The following PRKG1 variants were observed in gnomAD, a reference collection of about 807,000 sequenced individuals.
PRKG1 encodes the protein cGMP-dependent protein kinase 1.
In PRKG1, 35 loss-of-function variants were observed where a neutral mutation model predicts 88.1. The observed-to-expected ratio is 0.40, with a 90% CI of 0.30 to 0.53. The LOEUF is 0.53. Among genes scored for constraint, PRKG1 ranks in the 20% least tolerant of loss-of-function variants. PRKG1 has a pLI of 0.59. For synonymous variants in PRKG1, 303 were observed against 292.5 expected, an observed-to-expected ratio of 1.04 and a Z score of -0.37; for missense variants, 540 against 839.8, an observed-to-expected ratio of 0.64 and a Z score of 4.41.
chr10:51,113,728 T>TAAAAAAAAAAA (rs59764267), intron 1 of PRKG1, among the ~76,000 whole-genome samples: 1 of 92,440 alleles, frequency 1.1e-5, no homozygotes, highest in Non-Finnish European at 2.3e-5. Flanking sequence ...GCATTCTATT[T>TAAAAAAAAAAA]AAAAAAAAAA....
chr10:51,025,616 A>G (rs1589112668), intron 1 of PRKG1, among the ~76,000 whole-genome samples: 1 of 152,214 alleles, frequency 6.6e-6, no homozygotes, highest in South Asian at 2.1e-4. Context: ...GTCTTCTTGG[A>G]TTGGCTGCAA....
intron 3 of PRKG1, among the ~76,000 whole-genome samples, chr10:51,743,790 A>G (rs1483137468): frequency 1.4e-5 from 2 of 140,870 alleles, no homozygotes; most frequent in African/African-American, 5.3e-5. Context: ...GGTATTACAC[A>G]TTCAAATCTT....
In PRKG1 at chr10:51,560,466, A is replaced by T. The variant is rs1311632428; in HGVS notation, c.592+92630A>T. On this transcript the variant is annotated intron_variant, in intron 3 of 17. Transcript: ENST00000373980. ...ACCTTCCCTCTTGCAACTTAGTAGG[A>T]TTAAGTTTAATAGGATTAAATTTAG... 2.0e-5 allele frequency among the ~76,000 whole-genome samples: 3 copies of T among 152,128 alleles called. No homozygotes were observed. In the South Asian group the frequency reaches 6.2e-4, roughly 31 times the overall value.
chr10:52,160,745 C>A (rs965086372), intron 8 of PRKG1, among the ~76,000 whole-genome samples: 1 of 152,010 alleles, frequency 6.6e-6, no homozygotes, highest in Non-Finnish European at 1.5e-5. Context: ...TTAATACTCA[C>A]AACACACAAA....
chr10:51,374,093 A>AAAAAATATATATATATATATATATATAT lies in PRKG1; in HGVS notation c.479-93629_479-93628insAAAATATATATATATATATATATATATA. Among the ~76,000 whole-genome samples the AAAAAATATATATATATATATATATATAT allele has an allele frequency of 5.6e-4, 56 of 100,102 alleles. 1 individual carries two copies. Among genetic ancestry groups the AAAAAATATATATATATATATATATATAT allele is most frequent in the African/African-American group, 1.3e-3 (39 of 29,598 alleles). 65.7% of individuals were successfully genotyped at this position (100,102 alleles called of 152,430 possible). ...GCTGGCAGAGGTTGCAAAAAAAAAA[A>AAAAAATATATATATATATATATATATAT]ATATATATATATATATATATGTACT... is the stretch of plus-strand genomic sequence containing the variant. On this transcript the variant is annotated intron_variant, in intron 2 of 17. Coordinates refer to ENST00000373980, the MANE Select transcript of PRKG1 (RefSeq NM_006258.4).
chr10:51,895,446 T>G (rs559807796), intron 4 of PRKG1, among the ~76,000 whole-genome samples: 3 of 152,112 alleles, frequency 2.0e-5, no homozygotes, highest in Non-Finnish European at 4.4e-5. Context: ...CATGGGCCTG[T>G]TTCCCAGGCT....
intron 1 of PRKG1, among the ~76,000 whole-genome samples, chr10:51,041,291 A>C (rs945152377): frequency 9.2e-5 from 14 of 152,258 alleles, no homozygotes; most frequent in Admixed American, 7.8e-4. Context: ...CGGGGACCCC[A>C]GGAGCCTGCT....
At chr10:51,828,918 C>T (rs1339412093) in intron 4 of PRKG1, among the ~76,000 whole-genome samples, 1 of 152,210 alleles carries the variant, frequency 6.6e-6, no homozygotes, top group Non-Finnish European at 1.5e-5. Context: ...TGACAAATTA[C>T]ACCAAAACGT....
chr10:51,297,943 T>A (rs558848392), intron 2 of PRKG1, among the ~76,000 whole-genome samples: 2 of 152,234 alleles, frequency 1.3e-5, no homozygotes, highest in Admixed American at 1.3e-4. Flanking sequence ...TAGGTGTCCT[T>A]ACCTACACTT....
chr10:51,441,702 A>C (rs1340284939), intron 2 of PRKG1, among the ~76,000 whole-genome samples: 1 of 152,012 alleles, frequency 6.6e-6, no homozygotes, highest in African/African-American at 2.4e-5. Flanking sequence ...TTGAACTTCT[A>C]AGAATCAATT....
chr10:51,930,460 C>G (rs866539561), intron 5 of PRKG1, among the ~76,000 whole-genome samples: 4 of 132,834 alleles, frequency 3.0e-5, no homozygotes, highest in African/African-American at 1.1e-4. Flanking sequence ...TGTTGTAGAT[C>G]TTTTTTTAAT....
At chr10:52,219,360 T>C (rs1174757661) in intron 9 of PRKG1, among the ~76,000 whole-genome samples, 1 of 152,172 alleles carries the variant, frequency 6.6e-6, no homozygotes, top group Admixed American at 6.6e-5. Context: ...AAGAGTCCAG[T>C]AATCCTTTGA....
intron 5 of PRKG1, among the ~76,000 whole-genome samples, chr10:51,995,985 G>T (rs1844429332): frequency 6.6e-6 from 1 of 152,056 alleles, no homozygotes; most frequent in African/African-American, 2.4e-5. Flanking sequence ...AAACTAAAAA[G>T]CTTCTGCACG....
chr10:52,129,068 C>T (rs1837179653), intron 7 of PRKG1, among the ~76,000 whole-genome samples: 1 of 152,072 alleles, frequency 6.6e-6, no homozygotes, highest in South Asian at 2.1e-4. Flanking sequence ...ATTAAATACC[C>T]TGATCTGTAA....
rs555234062 is a variant in PRKG1, at chr10:52,162,363, T to C, written c.1076+400T>C. The stretch of plus-strand genomic sequence containing the variant: ...TTCCCTGTGCTAATACATCATTACA[T>C]TGAACTTTGATGTTACTAATATGAG... On this transcript the variant is annotated intron_variant, in intron 9 of 17. Coordinates refer to ENST00000373980, the MANE Select transcript of PRKG1 (RefSeq NM_006258.4). Among the ~76,000 whole-genome samples the C allele has an allele frequency of 2.6e-5, 4 of 152,240 alleles. No homozygotes were observed. The South Asian group carries it at 8.3e-4, about 32-fold the overall frequency.
intron 2 of PRKG1, chr10:51,244,864 C>T (rs911987270): frequency 7.3e-5 from 11 of 151,396 alleles, no homozygotes; most frequent in East Asian, 3.9e-4. Flanking sequence ...TTTCTACAAC[C>T]GAGATTGTAT....
chr10:51,103,083 G>A (rs533550561), intron 1 of PRKG1, among the ~76,000 whole-genome samples: 1 of 152,020 alleles, frequency 6.6e-6, no homozygotes, highest in Admixed American at 6.6e-5. Flanking sequence ...TTAAGATATG[G>A]AATTGAGAAA....
intron 1 of PRKG1, among the ~76,000 whole-genome samples, chr10:51,124,140 TG>T (rs1845338422): frequency 6.6e-6 from 1 of 152,114 alleles, no homozygotes; most frequent in African/African-American, 2.4e-5. Flanking sequence ...AGATATGATC[TG>T]GGGGTCAATC....
At chr10:52,003,824 T>G (rs1294962097) in intron 5 of PRKG1, among the ~76,000 whole-genome samples, 1 of 152,210 alleles carries the variant, frequency 6.6e-6, no homozygotes, top group Non-Finnish European at 1.5e-5. Context: ...AGCCCATCTA[T>G]GTCCCTCTGA....
Sources: allele counts gnomAD v4.1 joint callset (sites outside exome capture counted in the v4.1 genomes callset), GRCh38; gene constraint gnomAD v4.1.1; transcripts MANE v1.5; gene names NCBI Gene and HGNC (gene_info 2026-07-23, HGNC 2026-07-21).